Variants in CLSTN2 observed in about 807,000 individuals in gnomAD.
CLSTN2 encodes calsyntenin 2.
A neutral mutation model predicts 101.2 loss-of-function variants in CLSTN2; 48 were observed. That is an observed-to-expected ratio of 0.47 (90% CI 0.38 to 0.60). The LOEUF (loss-of-function observed/expected upper bound fraction) is 0.60. Among genes scored for constraint, CLSTN2 ranks in the 20% least tolerant of loss-of-function variants. CLSTN2 has a pLI of 0.00. For synonymous variants in CLSTN2, 481 were observed against 463.6 expected, an observed-to-expected ratio of 1.04 and a Z score of -0.48; for missense variants, 1,160 against 1,238.2, an observed-to-expected ratio of 0.94 and a Z score of 0.95.
chr3:140,299,327 T>G (rs2087031799), intron 2 of CLSTN2, among the ~76,000 whole-genome samples: 1 of 152,160 alleles, frequency 6.6e-6, no homozygotes, highest in Admixed American at 6.5e-5. Flanking sequence ...ATAGGAATCC[T>G]TAGCCAAAAA....
At chr3:140,218,160 C>T (rs1389880003) in intron 2 of CLSTN2, among the ~76,000 whole-genome samples, 3 of 152,172 alleles carry the variant, frequency 2.0e-5, no homozygotes, top group Non-Finnish European at 2.9e-5. Context: ...TATTATTAAG[C>T]TCCTGTCAGC....
chr3:140,225,293 G>A (rs1328194047), intron 2 of CLSTN2, among the ~76,000 whole-genome samples: 1 of 152,110 alleles, frequency 6.6e-6, no homozygotes, highest in Non-Finnish European at 1.5e-5. Flanking sequence ...CCTTTCCTGG[G>A]CACACATCCC....
chr3:140,184,471 A>G (rs905072125), intron 2 of CLSTN2, among the ~76,000 whole-genome samples: 4 of 152,128 alleles, frequency 2.6e-5, no homozygotes, highest in African/African-American at 9.7e-5. Flanking sequence ...AGAACTCACT[A>G]TCATGAGAAC....
At chr3:140,012,419 G>A (rs1257585594) in intron 1 of CLSTN2, among the ~76,000 whole-genome samples, 2 of 152,132 alleles carry the variant, frequency 1.3e-5, no homozygotes, top group Non-Finnish European at 2.9e-5. Flanking sequence ...GCTTGGTGGC[G>A]ATGCCGTCAA....
intron 1 of CLSTN2, among the ~76,000 whole-genome samples, chr3:140,009,057 A>G (rs2007017398): frequency 6.6e-6 from 1 of 152,246 alleles, no homozygotes; most frequent in East Asian, 1.9e-4. Flanking sequence ...CTAATATTTA[A>G]CTAATGTGCA....
chr3:140,002,623 T>C (rs1002206588), intron 1 of CLSTN2, among the ~76,000 whole-genome samples: 6 of 152,126 alleles, frequency 3.9e-5, no homozygotes, highest in Non-Finnish European at 7.4e-5. Context: ...TATTACTCAG[T>C]GAATTTTTGC....
intron 1 of CLSTN2, among the ~76,000 whole-genome samples, chr3:139,938,223 T>C (rs1424058060): frequency 6.6e-6 from 1 of 151,898 alleles, no homozygotes; most frequent in African/African-American, 2.4e-5. Context: ...TCTGTATTCA[T>C]GTGTAGAAAA....
At chr3:139,991,894 C>G (rs1936121414) in intron 1 of CLSTN2, among the ~76,000 whole-genome samples, 1 of 152,200 alleles carries the variant, frequency 6.6e-6, no homozygotes. Flanking sequence ...CAGCCCCTGA[C>G]AACTTGAGGT....
intron 1 of CLSTN2, among the ~76,000 whole-genome samples, chr3:140,051,744 T>A (rs916267355): frequency 6.6e-6 from 1 of 152,150 alleles, no homozygotes; most frequent in African/African-American, 2.4e-5. Flanking sequence ...GTGGTGTCAT[T>A]GGTCTGGAAT....
rs1576387963 is a variant in CLSTN2 at position 139,988,094 on chromosome 3, G to C, written c.109+52611G>C. Among the ~76,000 whole-genome samples the C allele has an allele frequency of 2.0e-5, 3 of 152,156 alleles. No homozygotes were observed. The East Asian group carries it at 5.8e-4, about 29-fold the overall frequency. On this transcript the variant is annotated intron_variant, in intron 1 of 16. Coordinates refer to ENST00000458420, the MANE Select transcript of CLSTN2 (RefSeq NM_022131.3). ...CATGTTTCTAAAAGCATCTTAATGG[G>C]AATGCTGCTTTTGGGACCTGGGGGC...
intron 1 of CLSTN2, among the ~76,000 whole-genome samples, chr3:139,989,957 T>C (rs1936089677): frequency 6.6e-6 from 1 of 152,216 alleles, no homozygotes; most frequent in South Asian, 2.1e-4. Flanking sequence ...CATTATTTTT[T>C]CTTACAAATT....
chr3:139,982,106 A>G (rs1560061076), intron 1 of CLSTN2, among the ~76,000 whole-genome samples: 1 of 152,196 alleles, frequency 6.6e-6, no homozygotes, highest in Non-Finnish European at 1.5e-5. Context: ...AGCCAAATTT[A>G]CTGTGGGCAG....
intron 2 of CLSTN2, among the ~76,000 whole-genome samples, chr3:140,267,395 A>G (rs972580786): frequency 4.6e-5 from 7 of 152,198 alleles, no homozygotes; most frequent in African/African-American, 1.4e-4. Flanking sequence ...TAACAGTCTC[A>G]GTCCACAAAC....
At chr3:140,248,453 GGGCA>G (rs1381377641) in intron 2 of CLSTN2, among the ~76,000 whole-genome samples, 1 of 152,160 alleles carries the variant, frequency 6.6e-6, no homozygotes, top group African/African-American at 2.4e-5. Context: ...ATTGGCCTGT[GGGCA>G]GAAGGCTCTA....
At position 140,437,050 on chromosome 3, in the gene CLSTN2, G is replaced by GTTT. The variant is rs11382080; in HGVS notation, c.788-11455_788-11453dup. On this transcript the variant is annotated intron_variant, in intron 5 of 16. Transcript: ENST00000458420. ...GACCTTCTACCTGCTGGGAGGTTTG[G>GTTT]TTTTTTTTTTTTTTTTGAGACTGAG... 2.1e-4 allele frequency among the ~76,000 whole-genome samples: 28 copies of GTTT among 135,104 alleles called. 1 individual carries two copies. The highest frequency in any genetic ancestry group is 2.5e-4 in the African/African-American group (9 of 36,098). 88.6% of individuals were successfully genotyped at this position (135,104 alleles called of 152,430 possible). A position where few individuals can be genotyped will look rare whatever the true frequency, so the allele number is the denominator to read the frequency against.
intron 8 of CLSTN2, among the ~76,000 whole-genome samples, chr3:140,532,080 T>TC (rs1321491397): frequency 1.3e-5 from 2 of 152,174 alleles, no homozygotes; most frequent in Non-Finnish European, 2.9e-5. Context: ...GCTGAAAATC[T>TC]CCCCATCATC....
intron 1 of CLSTN2, among the ~76,000 whole-genome samples, chr3:140,000,113 T>A (rs1486508688): frequency 2.7e-5 from 4 of 148,964 alleles, no homozygotes; most frequent in Admixed American, 6.7e-5. Context: ...AGCAGCAGTG[T>A]GGGGCTAGCA....
chr3:140,058,642 G>C (rs1330179341), intron 1 of CLSTN2, among the ~76,000 whole-genome samples: 2 of 152,130 alleles, frequency 1.3e-5, no homozygotes, highest in Non-Finnish European at 2.9e-5. Context: ...CAAAAGTTTA[G>C]ACCTACTCTC....
chr3:140,428,363 T>C (rs535561705), intron 5 of CLSTN2, among the ~76,000 whole-genome samples: 3 of 152,342 alleles, frequency 2.0e-5, no homozygotes, highest in Non-Finnish European at 4.4e-5. Context: ...GTATTCATTA[T>C]TTGTTCTGCT....
Sources: gnomAD v4.1 joint callset for allele counts (sites outside exome capture counted in the v4.1 genomes callset) on GRCh38, gnomAD v4.1.1 for gene constraint, MANE v1.5 for transcripts, NCBI Gene and HGNC (gene_info 2026-07-23, HGNC 2026-07-21) for gene names.